Variants in ARSG observed in about 807,000 individuals in gnomAD.
ARSG encodes the protein arylsulfatase G.
In ARSG, 37 loss-of-function variants were observed where a neutral mutation model predicts 50.5. That is an observed-to-expected ratio of 0.73 (90% CI 0.56 to 0.96). ARSG has a LOEUF of 0.96. Among genes scored for constraint, ARSG ranks in the 50% least tolerant of loss-of-function variants. The pLI, the probability that ARSG is intolerant of heterozygous loss-of-function variation, is 0.00. For synonymous variants in ARSG, 225 were observed against 254.6 expected, an observed-to-expected ratio of 0.88 and a Z score of 1.11; for missense variants, 629 against 675.3, an observed-to-expected ratio of 0.93 and a Z score of 0.76.
At position 68,415,815 on chromosome 17, in the gene ARSG, G is replaced by C. The variant is rs369347760; in HGVS notation, c.1304-4374G>C. Among the ~76,000 whole-genome samples the C allele has an allele frequency of 6.6e-5, 10 of 152,226 alleles. No homozygotes were observed. In the East Asian group the frequency reaches 1.2e-3, roughly 18 times the overall value. On this transcript the variant is annotated intron_variant, in intron 11 of 11. Coordinates refer to ENST00000621439, the MANE Select transcript of ARSG (RefSeq NM_001267727.2). The stretch of plus-strand genomic sequence containing the variant: ...CTGCCGTTGCTTTAAAGTTGGTTTT[G>C]TCTGATATAAGATAGCTACCCCTGC...
chr17:68,437,947 TTAAAAA>T, the ARSG span, among the ~76,000 whole-genome samples: 3 of 58,810 alleles, frequency 5.1e-5, no homozygotes, highest in South Asian at 1.3e-3. Context: ...GACATCTCTC[TTAAAAA>T]AAAAAAAAAA....
At chr17:68,324,895 C>T (rs782677138) in intron 2 of ARSG, among the ~76,000 whole-genome samples, 4 of 152,192 alleles carry the variant, frequency 2.6e-5, no homozygotes, top group Non-Finnish European at 5.9e-5. Flanking sequence ...CACAGGTATA[C>T]ACACTTGGTG....
chr17:68,435,763 G>A, the ARSG span: 1 of 1,510,926 alleles, frequency 6.6e-7, no homozygotes, highest in Non-Finnish European at 9.2e-7. Flanking sequence ...GAGGGAAGAT[G>A]GATTTCACCT....
chr17:68,352,715 G>A (rs1424697201), intron 5 of ARSG, among the ~76,000 whole-genome samples: 1 of 152,034 alleles, frequency 6.6e-6, no homozygotes, highest in Admixed American at 6.5e-5. Flanking sequence ...TCGCCATGTT[G>A]GCCAGGCTGG....
At chr17:68,433,638 C>CA in the ARSG span, 21 of 1,344,042 alleles carry the variant, frequency 1.6e-5, no homozygotes, top group African/African-American at 2.9e-5. Context: ...CCTTATAACT[C>CA]AGAGATCAGC....
chr17:68,426,254 G>C, downstream of ARSG: 9 of 816,896 alleles, frequency 1.1e-5, 1 homozygote, highest in East Asian at 3.5e-5. Flanking sequence ...GGGAGCGGGG[G>C]CTCAAATAAA....
At chr17:68,402,998 AGTTATTTAAT>A (rs1294462351) in intron 11 of ARSG, among the ~76,000 whole-genome samples, 1 of 152,238 alleles carries the variant, frequency 6.6e-6, no homozygotes, top group African/African-American at 2.4e-5. Context: ...AACTTGATTC[AGTTATTTAAT>A]GTTGGAGCTT....
intron 1 of ARSG, among the ~76,000 whole-genome samples, chr17:68,293,667 A>T (rs1339423151): frequency 6.6e-6 from 1 of 152,164 alleles, no homozygotes; most frequent in Non-Finnish European, 1.5e-5. Flanking sequence ...GACACTCATT[A>T]TTCCCATTTT....
intron 2 of ARSG, among the ~76,000 whole-genome samples, chr17:68,339,615 A>G (rs2146194342): frequency 6.6e-6 from 1 of 152,340 alleles, no homozygotes; most frequent in East Asian, 1.9e-4. Flanking sequence ...GTTTTCTTGT[A>G]GAATATCAAA....
Position 68,272,900 on chromosome 17 carries a change from G to C in ARSG, c.-552+13474G>C, listed in dbSNP as rs1389404999. 7.5e-6 allele frequency: 8 copies of C among 1,065,824 alleles called. No homozygotes were observed. In the East Asian group the frequency reaches 1.3e-4, roughly 17 times the overall value. The allele number at this position is 1,065,824 out of a possible 1,614,324, so 66.0% of individuals were successfully genotyped here. On this transcript the variant is annotated intron_variant, in intron 1 of 11. Coordinates refer to the ARSG transcript ENST00000448504. ...TCTAGGAGCCAAGTAATTCATTCTG[G>C]ACAAAGGTGATGTTGCAAAGAAAAA...
At chr17:68,303,588 A>G (rs1555762800) in intron 1 of ARSG, among the ~76,000 whole-genome samples, 3 of 152,148 alleles carry the variant, frequency 2.0e-5, no homozygotes, top group South Asian at 4.1e-4. Flanking sequence ...AGCTGGGACT[A>G]CAGGTGCACG....
chr17:68,409,341 G>T (rs62085906), intron 11 of ARSG, among the ~76,000 whole-genome samples: 151 of 129,506 alleles, frequency 1.2e-3, no homozygotes, highest in African/African-American at 2.6e-3. Context: ...TCTACATATG[G>T]CTAGCCAGTT....
the ARSG span, among the ~76,000 whole-genome samples, chr17:68,435,459 C>T: frequency 6.6e-6 from 1 of 152,148 alleles, no homozygotes; most frequent in South Asian, 2.1e-4. Flanking sequence ...ATGAATATAC[C>T]ACACATGCAG....
rs559205384 is a variant in ARSG at position 68,278,117 on chromosome 17, T to G, written c.-552+18691T>G. The stretch of plus-strand genomic sequence containing the variant: ...AAAATGTTAAGACAAACACACAGAT[T>G]GAGATTATCCATGAGATCCTGCTAT... On this transcript the variant is annotated intron_variant, in intron 1 of 11. Coordinates refer to the ARSG transcript ENST00000448504. The G allele has an allele frequency of 1.2e-5, 19 of 1,613,670 alleles. No individual in the cohort carries two copies. The East Asian group carries it at 2.7e-4, about 23-fold the overall frequency.
intron 1 of ARSG, among the ~76,000 whole-genome samples, chr17:68,282,257 AAAAC>A (rs782085101): frequency 2.0e-5 from 3 of 152,150 alleles, no homozygotes; most frequent in Admixed American, 6.5e-5. Flanking sequence ...AAGGACAAAA[AAAAC>A]AAACACCACA....
intron 1 of ARSG, among the ~76,000 whole-genome samples, chr17:68,299,937 C>CTTTTTT (rs34778190): frequency 2.2e-5 from 3 of 137,992 alleles, no homozygotes; most frequent in Admixed American, 1.5e-4. Flanking sequence ...TTTGGTATTG[C>CTTTTTT]TTTTTTTTTT....
At chr17:68,426,196 A>C, downstream of ARSG, 1 of 1,522,440 alleles carries the variant, frequency 6.6e-7, no homozygotes, top group Non-Finnish European at 8.9e-7. Flanking sequence ...AGAAAGAGAC[A>C]TGAAACAAGC....
intron 1 of ARSG, among the ~76,000 whole-genome samples, chr17:68,279,110 A>G (rs1001649831): frequency 2.6e-5 from 4 of 152,184 alleles, no homozygotes; most frequent in African/African-American, 9.7e-5. Flanking sequence ...TGGCCACCAG[A>G]CCAAGTATTA....
chr17:68,425,827 CA>C (rs1241679599), downstream of ARSG: 6 of 415,930 alleles, frequency 1.4e-5, no homozygotes, highest in Non-Finnish European at 2.6e-5. Flanking sequence ...GGGAGGCCAC[CA>C]AGACTCCCTG....
Sources: allele counts gnomAD v4.1 joint callset (sites outside exome capture counted in the v4.1 genomes callset), GRCh38; gene constraint gnomAD v4.1.1; transcripts MANE v1.5; gene names NCBI Gene and HGNC (gene_info 2026-07-23, HGNC 2026-07-21).